Variants in DCC observed in about 807,000 individuals in gnomAD.
DCC encodes netrin receptor DCC.
In DCC, 58 loss-of-function variants were observed where a neutral mutation model predicts 172.5. The ratio of observed to expected loss-of-function variants is 0.34; its 90% confidence interval spans 0.27 to 0.42. The LOEUF is 0.42. Among genes scored for constraint, DCC ranks in the 10% least tolerant of loss-of-function variants. The pLI, the probability that DCC is intolerant of heterozygous loss-of-function variation, is 1.00. For synonymous variants in DCC, 709 were observed against 644.5 expected, an observed-to-expected ratio of 1.10 and a Z score of -1.52; for missense variants, 1,740 against 1,791.0, an observed-to-expected ratio of 0.97 and a Z score of 0.51.
intron 25 of DCC, among the ~76,000 whole-genome samples, chr18:53,473,669 G>A (rs1270660047): frequency 6.6e-6 from 1 of 152,144 alleles, no homozygotes; most frequent in African/African-American, 2.4e-5. Context: ...TTTTACACAT[G>A]GGAAACAGCG....
chr18:53,291,288 C>A (rs1193441713), intron 12 of DCC, among the ~76,000 whole-genome samples: 1 of 151,938 alleles, frequency 6.6e-6, no homozygotes, highest in Non-Finnish European at 1.5e-5. Context: ...AGCCCAAATT[C>A]GTTTGTCACA....
chr18:53,093,149 G>A (rs919673860), intron 7 of DCC, among the ~76,000 whole-genome samples: 1 of 152,092 alleles, frequency 6.6e-6, no homozygotes, highest in Admixed American at 6.5e-5. Context: ...GGGCGTGGGG[G>A]TGCATGCCTG....
chr18:53,082,099 A>C (rs1466520628), intron 7 of DCC, among the ~76,000 whole-genome samples: 1 of 152,142 alleles, frequency 6.6e-6, no homozygotes, highest in Non-Finnish European at 1.5e-5. Context: ...TGGAAATTTT[A>C]TTTCAGCATA....
chr18:52,939,020 T>G (rs906914524), intron 5 of DCC, among the ~76,000 whole-genome samples: 1 of 152,186 alleles, frequency 6.6e-6, no homozygotes, highest in Non-Finnish European at 1.5e-5. Flanking sequence ...GTAGAAACTC[T>G]CAAGGGACTT....
chr18:53,128,321 A>G (rs2043595581), intron 7 of DCC, among the ~76,000 whole-genome samples: 1 of 152,124 alleles, frequency 6.6e-6, no homozygotes, highest in Non-Finnish European at 1.5e-5. Context: ...TAATGTGGCT[A>G]GTCTTGAAGA....
chr18:53,418,655 GAA>G (rs2145072579), intron 21 of DCC, among the ~76,000 whole-genome samples: 1 of 152,234 alleles, frequency 6.6e-6, no homozygotes, highest in South Asian at 2.1e-4. Flanking sequence ...TTATATGAGA[GAA>G]AGTGAGACCA....
intron 7 of DCC, among the ~76,000 whole-genome samples, chr18:53,147,731 C>G (rs2043936871): frequency 6.6e-6 from 1 of 152,154 alleles, no homozygotes; most frequent in South Asian, 2.1e-4. Flanking sequence ...AACTCTGATT[C>G]TCAGATAATT....
At chr18:52,503,140 A>G (rs1409391974) in intron 1 of DCC, among the ~76,000 whole-genome samples, 1 of 152,176 alleles carries the variant, frequency 6.6e-6, no homozygotes. Context: ...CCACAGCAAC[A>G]TCTTAAAGTC....
chr18:53,023,396 C>CA (rs2041909964), intron 5 of DCC, among the ~76,000 whole-genome samples: 1 of 21,006 alleles, frequency 4.8e-5, no homozygotes, highest in Non-Finnish European at 8.5e-5. Flanking sequence ...ATATATAACT[C>CA]AGACCAAAAA....
At chr18:53,358,940 T>C (rs2057913478) in intron 15 of DCC, among the ~76,000 whole-genome samples, 1 of 152,156 alleles carries the variant, frequency 6.6e-6, no homozygotes, top group African/African-American at 2.4e-5. Context: ...ATTGCATTAG[T>C]AGTTTGAAAG....
At chr18:53,035,051 T>C (rs563079875) in intron 5 of DCC, among the ~76,000 whole-genome samples, 17 of 152,198 alleles carry the variant, frequency 1.1e-4, no homozygotes, top group African/African-American at 3.6e-4. Context: ...TTTATTGATA[T>C]ATAATAGTTG....
chr18:52,504,074 C>G (rs990867520), intron 1 of DCC, among the ~76,000 whole-genome samples: 1 of 152,134 alleles, frequency 6.6e-6, no homozygotes, highest in Non-Finnish European at 1.5e-5. Flanking sequence ...CTTAGAGATA[C>G]TAACCAGGAT....
chr18:53,399,298 G>A (rs1909154248), intron 18 of DCC, among the ~76,000 whole-genome samples: 1 of 152,010 alleles, frequency 6.6e-6, no homozygotes, highest in Non-Finnish European at 1.5e-5. Context: ...TAGATTCAGT[G>A]TCACAAAAGA....
At chr18:52,407,516 C>T (rs1213835254) in intron 1 of DCC, among the ~76,000 whole-genome samples, 2 of 151,904 alleles carry the variant, frequency 1.3e-5, no homozygotes, top group African/African-American at 4.8e-5. Context: ...CAAACATTCA[C>T]GCCCTTATAT....
At chr18:52,655,984 GTGTA>G (rs1207638918) in intron 1 of DCC, among the ~76,000 whole-genome samples, 179 of 114,332 alleles carry the variant, frequency 1.6e-3, no homozygotes, top group South Asian at 3.1e-3. Flanking sequence ...GTGTGTGTGT[GTGTA>G]TATATATATG....
At chr18:52,991,387 C>T (rs1184012460) in intron 5 of DCC, among the ~76,000 whole-genome samples, 1 of 151,976 alleles carries the variant, frequency 6.6e-6, no homozygotes, top group Non-Finnish European at 1.5e-5. Flanking sequence ...TAGATATTAC[C>T]ACACACTTAT....
chr18:53,038,598 A>G (rs2042126311), intron 5 of DCC, among the ~76,000 whole-genome samples: 2 of 152,058 alleles, frequency 1.3e-5, no homozygotes, highest in South Asian at 4.1e-4. Flanking sequence ...AGCTATTAGT[A>G]TCCTCACTTT....
intron 1 of DCC, among the ~76,000 whole-genome samples, chr18:52,404,343 T>C (rs938272751): frequency 6.6e-6 from 1 of 152,052 alleles, no homozygotes; most frequent in African/African-American, 2.4e-5. Flanking sequence ...GTTAGTACCA[T>C]GGAGAACAGT....
At chr18:53,122,028 G>C (rs552913260) in intron 7 of DCC, among the ~76,000 whole-genome samples, 330 of 152,082 alleles carry the variant, frequency 2.2e-3, no homozygotes, top group African/African-American at 7.7e-3. Flanking sequence ...TAACAGCAAC[G>C]TTGTATTTTG....
Sources: gnomAD v4.1 joint callset for allele counts (sites outside exome capture counted in the v4.1 genomes callset) on GRCh38, gnomAD v4.1.1 for gene constraint, MANE v1.5 for transcripts, NCBI Gene and HGNC (gene_info 2026-07-23, HGNC 2026-07-21) for gene names.